The following PAPPA2 variants were observed in gnomAD, a reference collection of about 807,000 sequenced individuals.
The protein encoded by PAPPA2 is pappalysin-2.
A neutral mutation model predicts 176.4 loss-of-function variants in PAPPA2; 86 were observed. The ratio of observed to expected loss-of-function variants is 0.49; its 90% CI spans 0.41 to 0.58. The LOEUF is 0.58. Among genes scored for constraint, PAPPA2 ranks in the 20% least tolerant of loss-of-function variants. The pLI is 0.00. For synonymous variants in PAPPA2, 809 were observed against 852.2 expected (o/e 0.95, Z 0.88); for missense variants, 2,073 against 2,256.9 (o/e 0.92, Z 1.65).
At chr1:176,698,983 T>A in intron 7 of PAPPA2, 117 bp from the exon 8 acceptor site, 2 of 1,345,234 alleles carry the variant, frequency 1.5e-6, no homozygotes, top group East Asian at 4.6e-5. Flanking sequence ...GATGACCAAC[T>A]TCTACAGGAA....
chr1:176,548,108 T>C (rs1031869125), intron 1 of PAPPA2, among the ~76,000 whole-genome samples: 1 of 152,234 alleles, frequency 6.6e-6, no homozygotes. Flanking sequence ...TGAAATATTT[T>C]AATAGATAAT....
chr1:176,834,603 A>G (rs1010936208), intron 21 of PAPPA2, among the ~76,000 whole-genome samples: 1 of 152,190 alleles, frequency 6.6e-6, no homozygotes, highest in Non-Finnish European at 1.5e-5. Flanking sequence ...ACCAAGCCCC[A>G]AGTCTCCGAA....
chr1:176,616,461 T>C, intron 3 of PAPPA2: 1 of 705,524 alleles, frequency 1.4e-6, no homozygotes, highest in East Asian at 3.2e-5. Context: ...TACTGGAGCT[T>C]TCCCAAGGCC....
rs1667623944 is a variant in PAPPA2 at position 176,845,279 on chromosome 1, G to C, written c.*2825G>C. On this transcript the variant is annotated 3_prime_UTR_variant, in exon 23 of 23. Coordinates refer to ENST00000367662, the MANE Select transcript of PAPPA2 (RefSeq NM_020318.3). Reference sequence around the variant, plus strand: ...GCTAGCTGGCTCTAACAACTAGCATGACAGCCTCCAATCAGAAAGGCAGGT... The same window carrying C: ...GCTAGCTGGCTCTAACAACTAGCATCACAGCCTCCAATCAGAAAGGCAGGT... 6.6e-6 allele frequency: 1 copy of C among 152,204 alleles called. No homozygotes were observed. Among genetic ancestry groups the C allele is most frequent in the Non-Finnish European group, 1.5e-5 (1 of 68,042 alleles). The allele number at this position is 152,204 out of a possible 1,614,324, so 9.4% of individuals were successfully genotyped here. A position where few individuals can be genotyped will look rare whatever the true frequency, so the allele number is the denominator to read the frequency against.
chr1:176,565,779 G>A (rs1040503209), intron 2 of PAPPA2, among the ~76,000 whole-genome samples: 4 of 132,648 alleles, frequency 3.0e-5, no homozygotes, highest in Middle Eastern at 7.1e-3. Context: ...CAGTGGTCTT[G>A]GAGAAATCTG....
Position 176,478,968 on chromosome 1 carries a change from G to A in PAPPA2, c.-917+15550G>A, listed in dbSNP as rs138489977. 2.3e-3 allele frequency among the ~76,000 whole-genome samples: 348 copies of A among 152,306 alleles called. 3 individuals carry two copies. The highest frequency in any genetic ancestry group is 8.0e-3 in the African/African-American group (334 of 41,556). ...GGAGATAAGATCTAAGTTATACAGGGCCTTGAGGGCAGACTGGCTCTTTTA... is the reference window on the plus strand; with the variant it reads ...GGAGATAAGATCTAAGTTATACAGGACCTTGAGGGCAGACTGGCTCTTTTA... On this transcript the variant is annotated intron_variant, in intron 1 of 22. Coordinates refer to ENST00000367662, the MANE Select transcript of PAPPA2 (RefSeq NM_020318.3).
intron 14 of PAPPA2, among the ~76,000 whole-genome samples, chr1:176,746,117 C>T (rs550554984): frequency 3.9e-5 from 6 of 152,254 alleles, no homozygotes; most frequent in South Asian, 2.1e-4. Context: ...GAAGCAAGGA[C>T]GGGAAAGCAC....
intron 3 of PAPPA2, among the ~76,000 whole-genome samples, chr1:176,623,621 TCCTTTTTTAC>T (rs1655743511): frequency 3.0e-5 from 4 of 132,990 alleles, no homozygotes; most frequent in South Asian, 2.5e-4. Flanking sequence ...CTTCCTTCCT[TCCTTTTTTAC>T]TTTCTTTCTT....
At chr1:176,573,753 G>C (rs1249236929) in intron 2 of PAPPA2, among the ~76,000 whole-genome samples, 2 of 152,188 alleles carry the variant, frequency 1.3e-5, no homozygotes, top group African/African-American at 4.8e-5. Context: ...AATTGTCCAA[G>C]ATGAGTGGGG....
intron 14 of PAPPA2, among the ~76,000 whole-genome samples, chr1:176,760,417 A>C (rs1000842535): frequency 6.6e-6 from 1 of 152,210 alleles, no homozygotes; most frequent in Non-Finnish European, 1.5e-5. Context: ...ACATATATCT[A>C]GATCTTTATG....
chr1:176,798,326 A>T (rs555901820), intron 20 of PAPPA2, among the ~76,000 whole-genome samples: 1 of 152,312 alleles, frequency 6.6e-6, no homozygotes, highest in South Asian at 2.1e-4. Context: ...GACTAGGTTT[A>T]TGGATTTTCA....
At chr1:176,473,265 C>T (rs1651965999) in intron 1 of PAPPA2, among the ~76,000 whole-genome samples, 1 of 152,180 alleles carries the variant, frequency 6.6e-6, no homozygotes, top group Non-Finnish European at 1.5e-5. Flanking sequence ...TCTAGAATGT[C>T]ATATAATTGG....
chr1:176,621,673 A>AT lies in PAPPA2; in HGVS notation c.1991+26090dup, dbSNP rs879703359. ...CAGAAATGACCAGTTGATGGCAACA[A>AT]TTTTTTTTTTTTGGCATAAGCAACT... On this transcript the variant is annotated intron_variant, in intron 3 of 22. Coordinates refer to ENST00000367662, the MANE Select transcript of PAPPA2 (RefSeq NM_020318.3). Among the ~76,000 whole-genome samples the AT allele has an allele frequency of 3.0e-3, 436 of 147,138 alleles. 1 individual carries two copies. Among genetic ancestry groups the AT allele is most frequent in the African/African-American group, 8.2e-3 (331 of 40,398 alleles).
intron 14 of PAPPA2, among the ~76,000 whole-genome samples, chr1:176,754,408 T>G (rs1663323237): frequency 6.6e-6 from 1 of 152,252 alleles, no homozygotes. Context: ...TTTAAAATAG[T>G]AAATAACTAT....
intron 6 of PAPPA2, 129 bp from the exon 7 acceptor site, chr1:176,695,609 A>G: frequency 6.9e-6 from 7 of 1,012,468 alleles, no homozygotes; most frequent in Non-Finnish European, 1.0e-5. Flanking sequence ...AGTTGTTCTT[A>G]GTTACTCTCT....
chr1:176,828,494 A>G (rs1666944300), intron 21 of PAPPA2, among the ~76,000 whole-genome samples: 1 of 151,014 alleles, frequency 6.6e-6, no homozygotes, highest in Admixed American at 6.6e-5. Flanking sequence ...AATATAGATT[A>G]TATATTATTA....
chr1:176,623,738 TTC>T (rs1171808063), intron 3 of PAPPA2, among the ~76,000 whole-genome samples: 6 of 119,342 alleles, frequency 5.0e-5, no homozygotes, highest in Non-Finnish European at 8.9e-5. Context: ...CTTTCTTTCT[TTC>T]TCTCTCTTTC....
chr1:176,532,118 T>C (rs993734239), intron 1 of PAPPA2, among the ~76,000 whole-genome samples: 1 of 152,166 alleles, frequency 6.6e-6, no homozygotes, highest in African/African-American at 2.4e-5. Context: ...TGAAAACACA[T>C]AAGCACATTT....
At chr1:176,825,974 G>A (rs1405531863) in intron 21 of PAPPA2, among the ~76,000 whole-genome samples, 2 of 152,152 alleles carry the variant, frequency 1.3e-5, no homozygotes, top group African/African-American at 4.8e-5. Context: ...TAACATTATT[G>A]AGTGTTTTTA....
Sources: gnomAD v4.1 joint callset for allele counts (sites outside exome capture counted in the v4.1 genomes callset) on GRCh38, gnomAD v4.1.1 for gene constraint, MANE v1.5 for transcripts, NCBI Gene and HGNC (gene_info 2026-07-23, HGNC 2026-07-21) for gene names.